ALG9: variants seen among roughly 807,000 people sequenced by gnomAD.
The protein encoded by ALG9 is ALG9 alpha-1,2-mannosyltransferase.
A neutral mutation model predicts 81.8 loss-of-function variants in ALG9; 55 were observed. That is an observed-to-expected ratio of 0.67 (90% CI 0.54 to 0.84). The LOEUF (loss-of-function observed/expected upper bound fraction) is 0.84. ALG9 is among the 40% of genes least tolerant of loss of function. ALG9 has a pLI of 0.00. For synonymous variants in ALG9, 278 were observed against 274.3 expected, an observed-to-expected ratio of 1.01 and a Z score of -0.13; for missense variants, 629 against 745.0, an observed-to-expected ratio of 0.84 and a Z score of 1.81.
intron 14 of ALG9, among the ~76,000 whole-genome samples, chr11:111,809,172 T>G (rs1555088443): frequency 6.6e-6 from 1 of 152,152 alleles, no homozygotes; most frequent in African/African-American, 2.4e-5. Flanking sequence ...AGAATATACT[T>G]TGCATTCTGG....
intron 14 of ALG9, among the ~76,000 whole-genome samples, chr11:111,806,406 T>C (rs1449189203): frequency 6.6e-6 from 1 of 152,166 alleles, no homozygotes; most frequent in Non-Finnish European, 1.5e-5. Flanking sequence ...TAATGGACAG[T>C]TGTTATTCTT....
chr11:111,825,026 C>T (rs1555107074), intron 13 of ALG9, among the ~76,000 whole-genome samples: 1 of 152,224 alleles, frequency 6.6e-6, no homozygotes, highest in Non-Finnish European at 1.5e-5. Flanking sequence ...ATACCAACCT[C>T]TGTCAATTTA....
downstream of ALG9, among the ~76,000 whole-genome samples, chr11:111,778,700 A>G (rs1945760450): frequency 6.6e-6 from 1 of 152,056 alleles, no homozygotes; most frequent in African/African-American, 2.4e-5. Flanking sequence ...GCTACCTGTT[A>G]GCTAGATCAC....
chr11:111,823,813 T>A (rs1952811826), intron 13 of ALG9, among the ~76,000 whole-genome samples: 1 of 152,342 alleles, frequency 6.6e-6, no homozygotes, highest in East Asian at 1.9e-4. Flanking sequence ...CTGTTCACAT[T>A]CCACATCACC....
At chr11:111,844,839 A>G in intron 8 of ALG9, 116 bp from the exon 9 acceptor site, 1 of 1,156,424 alleles carries the variant, frequency 8.6e-7, no homozygotes, top group Non-Finnish European at 1.3e-6. Context: ...CCTCATGGGA[A>G]TGAGAGTGCA....
chr11:111,817,044 G>T (rs1555098077), intron 13 of ALG9, among the ~76,000 whole-genome samples: 1 of 152,180 alleles, frequency 6.6e-6, no homozygotes, highest in African/African-American at 2.4e-5. Flanking sequence ...AAGACATAAA[G>T]GAGCATGGTT....
rs1946170176 is a variant in ALG9 at position 111,783,795 on chromosome 11, A to G, written c.*2602T>C. On this transcript the variant is annotated 3_prime_UTR_variant, in exon 15 of 15. Coordinates refer to ENST00000616540, the MANE Select transcript of ALG9 (RefSeq NM_024740.2). ...TTCTGCCATGTATTGTGCTCTCACT[A>G]AAGACATACATAGAACAGAGAGATC... 6.6e-6 allele frequency: 1 copy of G among 152,206 alleles called. No homozygotes were observed. The highest frequency in any genetic ancestry group is 2.4e-5 in the African/African-American group (1 of 41,434). The allele number at this position is 152,206 out of a possible 1,614,324, so 9.4% of individuals were successfully genotyped here.
chr11:111,794,503 A>AT (rs1468837561), intron 14 of ALG9, among the ~76,000 whole-genome samples: 1 of 151,966 alleles, frequency 6.6e-6, no homozygotes, highest in African/African-American at 2.4e-5. Context: ...GTTGCCCAGG[A>AT]TGGTCTTAAA....
intron 13 of ALG9, among the ~76,000 whole-genome samples, chr11:111,818,988 G>A (rs1555100619): frequency 5.9e-5 from 9 of 152,184 alleles, no homozygotes; most frequent in Admixed American, 5.9e-4. Flanking sequence ...AGGATGAAGG[G>A]AACCAGAAGA....
intron 4 of ALG9, among the ~76,000 whole-genome samples, chr11:111,861,428 C>T (rs1960071055): frequency 6.6e-6 from 1 of 152,132 alleles, no homozygotes; most frequent in Admixed American, 6.5e-5. Context: ...ATGATAAATT[C>T]CGTTTTTTTG....
intron 14 of ALG9, among the ~76,000 whole-genome samples, chr11:111,802,995 C>A (rs1555081783): frequency 1.3e-5 from 2 of 152,154 alleles, no homozygotes; most frequent in African/African-American, 4.8e-5. Flanking sequence ...CCATCACACT[C>A]CCCAAAATGC....
chr11:111,866,161 G>A (rs572397310), intron 3 of ALG9, among the ~76,000 whole-genome samples: 2 of 152,294 alleles, frequency 1.3e-5, no homozygotes, highest in African/African-American at 4.8e-5. Flanking sequence ...GCCAGGCATG[G>A]TGGCGGGCAA....
At chr11:111,841,532 T>C (rs1956210090) in intron 9 of ALG9, among the ~76,000 whole-genome samples, 1 of 152,188 alleles carries the variant, frequency 6.6e-6, no homozygotes, top group East Asian at 1.9e-4. Context: ...TTCCCGTGGT[T>C]AGGTACATGA....
At chr11:111,871,097 T>G in intron 1 of ALG9, 1 of 1,224,340 alleles carries the variant, frequency 8.2e-7, no homozygotes, top group Non-Finnish European at 1.0e-6. Context: ...GTGCCCACTC[T>G]AGGCCTGGCC....
chr11:111,789,747 G>C (rs782239075), intron 14 of ALG9, among the ~76,000 whole-genome samples: 1 of 151,666 alleles, frequency 6.6e-6, no homozygotes, highest in East Asian at 2.0e-4. Flanking sequence ...TTGAACCTGG[G>C]GGGTAGAAGT....
chr11:111,788,306 G>T (rs1208001068), intron 14 of ALG9: 2 of 423,882 alleles, frequency 4.7e-6, no homozygotes, highest in Non-Finnish European at 9.3e-6. Flanking sequence ...GCAGTGCCCT[G>T]TGCTCTGTAA....
rs1223860853 is a variant in ALG9 at position 111,783,680 on chromosome 11, A to T, written c.*2717T>A. 2 of 152,194 alleles carry T rather than the reference A, an allele frequency of 1.3e-5. No individual in the cohort carries two copies. The highest frequency in any genetic ancestry group is 4.8e-5 in the African/African-American group (2 of 41,462). The allele number at this position is 152,194 out of a possible 1,614,324, so 9.4% of individuals were successfully genotyped here. On this transcript the variant is annotated 3_prime_UTR_variant, in exon 15 of 15. Transcript: ENST00000616540. ...TACTAAAAAGTGATGGAGATTTTTTAAAATGTGTTTATAAAATATCACATG... is the reference window on the plus strand; with the variant it reads ...TACTAAAAAGTGATGGAGATTTTTTTAAATGTGTTTATAAAATATCACATG...
Position 111,786,255 on chromosome 11 carries a change from G to A in ALG9, c.*142C>T. ...TTGATTAGACTTTGAAATAGACTTT[G>A]ACTAGCCCAGAGCACCCAGATTCCA... On this transcript the variant is annotated 3_prime_UTR_variant, in exon 15 of 15. Transcript: ENST00000616540. 7.6e-7 allele frequency: 1 copy of A among 1,307,204 alleles called. No homozygotes were observed. Among genetic ancestry groups the A allele is most frequent in the South Asian group, 1.2e-5 (1 of 83,980 alleles). 81.0% of individuals were successfully genotyped at this position (1,307,204 alleles called of 1,614,324 possible). A position where few individuals can be genotyped will look rare whatever the true frequency, so the allele number is the denominator to read the frequency against.
At chr11:111,840,590 G>A in intron 10 of ALG9, 65 bp downstream of exon 10, 3 of 1,589,764 alleles carry the variant, frequency 1.9e-6, no homozygotes, top group Non-Finnish European at 2.6e-6. Flanking sequence ...TTGCACTTAA[G>A]TTTGTGAGCA....
Sources: gnomAD v4.1 joint callset for allele counts (sites outside exome capture counted in the v4.1 genomes callset) on GRCh38, gnomAD v4.1.1 for gene constraint, MANE v1.5 for transcripts, NCBI Gene and HGNC (gene_info 2026-07-23, HGNC 2026-07-21) for gene names.